ZBTB48: variants seen among roughly 807,000 people sequenced by gnomAD.
ZBTB48 encodes the protein zinc finger and BTB domain-containing protein 48.
In ZBTB48, 35 loss-of-function variants were observed where a neutral mutation model predicts 64.5. The ratio of observed to expected loss-of-function variants is 0.54; its 90% CI spans 0.41 to 0.72. The LOEUF (loss-of-function observed/expected upper bound fraction) is 0.72, where lower values mean the gene tolerates loss of function less well. Ranked by LOEUF, ZBTB48 falls within the 30% of genes least tolerant of loss-of-function variation. The probability of loss-of-function intolerance (pLI) is 0.00; values close to 1 mark genes in which losing one functional copy is unlikely to be tolerated. For missense variants in ZBTB48, 828 were observed against 895.3 expected (o/e 0.92, Z 0.96); for synonymous variants, 442 against 356.7 (o/e 1.24, Z -2.70).
rs1176664305 is a variant in ZBTB48 at position 6,588,267 on chromosome 1, T to C, written c.1517-11T>C. ...AAGGCCACAGGCTGAGCTCTTGCCT[T>C]GTGCCTGCAGCCAGCCTGGACAAGC... is the stretch of plus-strand genomic sequence containing the variant. On this transcript the variant is annotated splice_polypyrimidine_tract_variant and intron_variant, in intron 8 of 10. Transcript: ENST00000377674. 1 of 1,608,134 alleles carries C rather than the reference T, an allele frequency of 6.2e-7. No individual in the cohort carries two copies. Among genetic ancestry groups the C allele is most frequent in the East Asian group, 2.2e-5 (1 of 44,716 alleles).
rs1207865839 is a variant in ZBTB48 at position 6,580,010 on chromosome 1, T to C, written c.-196T>C. ...CTGGCCTGCACGCTTTGACGTCACG[T>C]CCGGCGCGGAGACGGTGGAGTCTCC... On this transcript the variant is annotated 5_prime_UTR_variant, in exon 1 of 11. Coordinates refer to ENST00000377674, the MANE Select transcript of ZBTB48 (RefSeq NM_005341.4). This position sits in a 1 kb window ranked among gnomAD's most constrained non-coding sequence, Gnocchi z 5.2. The C allele has an allele frequency of 2.4e-5, 5 of 204,444 alleles. No individual in the cohort carries two copies. The highest frequency in any genetic ancestry group is 5.0e-5 in the Non-Finnish European group (5 of 99,072). The allele number at this position is 204,444 out of a possible 1,614,324, so 12.7% of individuals were successfully genotyped here.
intron 4 of ZBTB48, 121 bp from the exon 5 acceptor site, chr1:6,586,574 T>G: frequency 1.1e-4 from 62 of 566,600 alleles, no homozygotes; most frequent in Non-Finnish European, 1.6e-4. Context: ...TCTCCCACCC[T>G]AGCGTCCCCA....
At chr1:6,586,266 C>G in intron 4 of ZBTB48, 1 of 557,008 alleles carries the variant, frequency 1.8e-6, no homozygotes, top group Middle Eastern at 4.8e-4. Flanking sequence ...GGTTGGCTTT[C>G]CTAGGCCCCT....
In ZBTB48 at chr1:6,587,510, G is replaced by T. The variant is rs367838212; in HGVS notation, c.1257G>T (p.Arg419=). Residue 419 remains arginine (R), a synonymous_variant, in exon 7 of 11, where the codon CGG becomes CGT. Transcript: ENST00000377674. ...CCTGTGCCAAGTGCTTCCTGTCTCG[G>T]ACAGAGCTGCAGCTGCATGAAGCTT... The part of the protein sequence containing the change: ...CPTCAKCFLS[R]TELQLHEAFK... The T allele has an allele frequency of 1.9e-6, 3 of 1,614,064 alleles. No individual in the cohort carries two copies. Among genetic ancestry groups the T allele is most frequent in the Admixed American group, 3.3e-5 (2 of 60,024 alleles).
chr1:6,588,862 C>A lies in ZBTB48; in HGVS notation c.1770+18C>A. On this transcript the variant is annotated intron_variant, in intron 10 of 10. Transcript: ENST00000377674. ...CCCGACAGGTAGGCCAGGGCCTGGG[C>A]CCCTTCCCCTACCCTAGGATCCCCC... 2 of 1,613,986 alleles carry A rather than the reference C, an allele frequency of 1.2e-6. No homozygotes were observed. The highest frequency in any genetic ancestry group is 1.7e-6 in the Non-Finnish European group (2 of 1,180,004).
intron 7 of ZBTB48, among the ~76,000 whole-genome samples, 153 bp downstream of exon 7, chr1:6,587,785 GGACCT>G (rs1553119528): frequency 6.6e-6 from 1 of 152,192 alleles, no homozygotes; most frequent in Non-Finnish European, 1.5e-5. Context: ...TGGGATAGTG[GGACCT>G]GAGGGGCAAG....
At chr1:6,588,874 C>T (rs1304295694) in intron 10 of ZBTB48, 30 bp downstream of exon 10, 1 of 1,613,882 alleles carries the variant, frequency 6.2e-7, no homozygotes, top group Non-Finnish European at 8.5e-7. Flanking sequence ...CCTTCCCCTA[C>T]CCTAGGATCC....
Position 6,584,147 on chromosome 1 carries a change from C to T in ZBTB48, c.933-1772C>T, listed in dbSNP as rs1412517735. ...GCCAGGCTGATCTCAAACTCCTGAC[C>T]TTGCGATCCACCTGCCTTAGCTTCC... On this transcript the variant is annotated intron_variant, in intron 3 of 10. Coordinates refer to ENST00000377674, the MANE Select transcript of ZBTB48 (RefSeq NM_005341.4). The surrounding 1 kb of genome is among the most constrained non-coding windows in gnomAD (Gnocchi z 4.5). Among the ~76,000 whole-genome samples the T allele has an allele frequency of 6.6e-6, 1 of 152,184 alleles. No homozygotes were observed. The highest frequency in any genetic ancestry group is 2.4e-5 in the African/African-American group (1 of 41,440).
In ZBTB48 at chr1:6,587,245, T is replaced by C; in HGVS notation, c.1178T>C (p.Leu393Ser). 1 of 1,614,022 alleles carries C rather than the reference T, an allele frequency of 6.2e-7. No homozygotes were observed. Among genetic ancestry groups the C allele is most frequent in the Non-Finnish European group, 8.5e-7 (1 of 1,180,014 alleles). The change falls in exon 6 of 11, where the codon TTG (leucine) becomes TCG (serine). Residue 393 changes from leucine to serine, a missense_variant. Transcript: ENST00000377674. ...CSQQFMQKKD[L>S]QSHMIKLHGA... ...CAGCAGTTCATGCAGAAGAAGGACT[T>C]GCAGAGCCACATGATCAAACTTCAT... is the stretch of plus-strand genomic sequence containing the variant.
In ZBTB48 at chr1:6,587,609, G is replaced by A; in HGVS notation, c.1356G>A (p.Gln452=). 6.2e-7 allele frequency: 1 copy of A among 1,613,496 alleles called. No individual in the cohort carries two copies. ...GHRASSRNGL[Q]MHIKAKHRNE... is the part of the protein sequence containing the mutation. Reference sequence around the variant, plus strand: ...GGGCCTCGAGCCGGAATGGCCTGCAGATGCACATCAAGGCCAAGCACAGGT... The same window carrying A: ...GGGCCTCGAGCCGGAATGGCCTGCAAATGCACATCAAGGCCAAGCACAGGT... Residue 452 remains glutamine (Q), a synonymous_variant, in exon 7 of 11, where the codon CAG becomes CAA. Coordinates refer to ENST00000377674, the MANE Select transcript of ZBTB48 (RefSeq NM_005341.4).
rs1640746577 is a variant in ZBTB48 at position 6,588,191 on chromosome 1, C to T, written c.1511C>T (p.Thr504Ile). 1 of 1,613,982 alleles carries T rather than the reference C, an allele frequency of 6.2e-7. No homozygotes were observed. Among genetic ancestry groups the T allele is most frequent in the Non-Finnish European group, 8.5e-7 (1 of 1,180,042 alleles). Residue 504 changes from threonine (T) to isoleucine (I), a missense_variant, in exon 8 of 11, where the codon ACC becomes ATC. Thr to Ile is a moderately conservative substitution (Grantham distance 89). Coordinates refer to ENST00000377674, the MANE Select transcript of ZBTB48 (RefSeq NM_005341.4). ...CACCTCTGTGGCAAGACCTTCCGAA[C>T]CCAAGGTGAGGTACGCCCTGCCCCT... ...QCHLCGKTFR[T>I]QASLDKHNRT...
At position 6,580,296 on chromosome 1, in the gene ZBTB48, C is replaced by T. The variant is rs190053423; in HGVS notation, c.-70+160C>T. ...ATCCTCTCACTGTGCCGGGCCAGTC[C>T]GTTCGCTCTCATCCCATGTCTCCTT... is the stretch of plus-strand genomic sequence containing the variant. On this transcript the variant is annotated intron_variant, in intron 1 of 10. Coordinates refer to ENST00000377674, the MANE Select transcript of ZBTB48 (RefSeq NM_005341.4). This position sits in a 1 kb window ranked among gnomAD's most constrained non-coding sequence, Gnocchi z 5.2. Among the ~76,000 whole-genome samples the T allele has an allele frequency of 1.3e-5, 2 of 152,344 alleles. No individual in the cohort carries two copies. The highest frequency in any genetic ancestry group is 2.4e-5 in the African/African-American group (1 of 41,584).
Position 6,580,038 on chromosome 1 carries a change from A to G in ZBTB48, c.-168A>G, listed in dbSNP as rs917553042. 7.0e-5 allele frequency: 14 copies of G among 199,692 alleles called. No homozygotes were observed. Among genetic ancestry groups the G allele is most frequent in the African/African-American group, 1.2e-4 (5 of 42,428 alleles). 12.4% of individuals were successfully genotyped at this position (199,692 alleles called of 1,614,324 possible). A position where few individuals can be genotyped will look rare whatever the true frequency, so the allele number is the denominator to read the frequency against. On this transcript the variant is annotated 5_prime_UTR_variant, in exon 1 of 11. Coordinates refer to ENST00000377674, the MANE Select transcript of ZBTB48 (RefSeq NM_005341.4). The surrounding 1 kb of genome is among the most constrained non-coding windows in gnomAD (Gnocchi z 5.2). ...GGCGCGGAGACGGTGGAGTCTCCGC[A>G]CTGTCGGCGGGGTACGCATAGCCGG...
At position 6,588,818 on chromosome 1, in the gene ZBTB48, G is replaced by T. The variant is rs769463438; in HGVS notation, c.1744G>T (p.Glu582Ter). ...HKGVRKFECT[E>*]CGYKFTRQAH... ...GGGGGTGAGGAAGTTTGAGTGCACC[G>T]AGTGTGGCTACAAGTTTACCCGACA... The change falls in exon 10 of 11, where the codon GAG (glutamate) becomes TAG (stop). Residue 582 changes from glutamate to a stop codon, truncating the protein, a stop_gained. Coordinates refer to ENST00000377674, the MANE Select transcript of ZBTB48 (RefSeq NM_005341.4). LOFTEE classifies it high-confidence loss of function. 6.2e-7 allele frequency: 1 copy of T among 1,614,032 alleles called. No homozygotes were observed. The highest frequency in any genetic ancestry group is 1.3e-5 in the African/African-American group (1 of 74,940).
At position 6,587,660 on chromosome 1, in the gene ZBTB48, C is replaced by A. The variant is rs752426499; in HGVS notation, c.1379+28C>A. On this transcript the variant is annotated intron_variant, in intron 7 of 10. Coordinates refer to ENST00000377674, the MANE Select transcript of ZBTB48 (RefSeq NM_005341.4). ...GCGTGTCGCCCGTTCTCTCTTGGGGCCCAGTCCTGCTGCCAGCCCAGGCTT... is the reference window on the plus strand; with the variant it reads ...GCGTGTCGCCCGTTCTCTCTTGGGGACCAGTCCTGCTGCCAGCCCAGGCTT... 7 of 1,609,948 alleles carry A rather than the reference C, an allele frequency of 4.3e-6. No homozygotes were observed. The South Asian group carries it at 7.7e-5, about 18-fold the overall frequency.
chr1:6,586,887 A>G (rs1378176029), intron 5 of ZBTB48, 100 bp downstream of exon 5: 6 of 1,365,528 alleles, frequency 4.4e-6, no homozygotes, highest in South Asian at 1.3e-5. Flanking sequence ...CCCTCACAGT[A>G]GCTGTCAGGG....
At position 6,584,036 on chromosome 1, in the gene ZBTB48, C is replaced by T. The variant is rs368375204; in HGVS notation, c.932+1737C>T. Among the ~76,000 whole-genome samples the T allele has an allele frequency of 1.6e-4, 24 of 152,240 alleles. No homozygotes were observed. The East Asian group carries it at 4.6e-3, about 29-fold the overall frequency. Reference sequence around the variant, plus strand: ...TGACCTTGTGATCCACCTGCCTCAGCCTCCCAAAGTGCTGGGATTACAGGC... The same window carrying T: ...TGACCTTGTGATCCACCTGCCTCAGTCTCCCAAAGTGCTGGGATTACAGGC... On this transcript the variant is annotated intron_variant, in intron 3 of 10. Coordinates refer to ENST00000377674, the MANE Select transcript of ZBTB48 (RefSeq NM_005341.4). The surrounding 1 kb of genome is among the most constrained non-coding windows in gnomAD (Gnocchi z 4.5).
At position 6,584,131 on chromosome 1, in the gene ZBTB48, A is replaced by C. The variant is rs1640574922; in HGVS notation, c.933-1788A>C. On this transcript the variant is annotated intron_variant, in intron 3 of 10. Transcript: ENST00000377674. This position sits in a 1 kb window ranked among gnomAD's most constrained non-coding sequence, Gnocchi z 4.5. The stretch of plus-strand genomic sequence containing the variant: ...GGGTTTCACCATATTGGCCAGGCTG[A>C]TCTCAAACTCCTGACCTTGCGATCC... 6.8e-6 allele frequency among the ~76,000 whole-genome samples: 1 copy of C among 147,634 alleles called. No homozygotes were observed. The highest frequency in any genetic ancestry group is 6.7e-5 in the Admixed American group (1 of 14,868).
In ZBTB48 at chr1:6,586,710, G is replaced by C; in HGVS notation, c.1060G>C (p.Val354Leu). Residue 354 changes from valine to leucine, a missense_variant, in exon 5 of 11, where the codon GTG (valine) becomes CTG (leucine). Physicochemically the swap from Val to Leu is conservative, Grantham distance 32. Transcript: ENST00000377674. ...NRSEQVFTCS[V>L]CQETFRRRME... ...ACACTGCCAGGTCTTCACGTGCTCT[G>C]TGTGCCAGGAGACATTCCGCCGAAG... 6 of 1,565,338 alleles carry C rather than the reference G, an allele frequency of 3.8e-6. No homozygotes were observed. The highest frequency in any genetic ancestry group is 4.3e-6 in the Non-Finnish European group (5 of 1,154,238).
Sources: allele counts gnomAD v4.1 joint callset (sites outside exome capture counted in the v4.1 genomes callset), GRCh38; gene constraint gnomAD v4.1.1; non-coding constraint Gnocchi (gnomAD v3.1); transcripts MANE v1.5; gene names NCBI Gene and HGNC (gene_info 2026-07-23, HGNC 2026-07-21).